The following LRBA variants were observed in gnomAD, a reference collection of about 807,000 sequenced individuals.
The protein encoded by LRBA is LPS responsive beige-like anchor protein, also known as lipopolysaccharide-responsive and beige-like anchor protein.
Under a neutral mutation model 330.0 loss-of-function variants are expected in LRBA, and 176 were observed. That is an observed-to-expected ratio of 0.53 (90% CI 0.47 to 0.60). LRBA has a LOEUF of 0.60. Among genes scored for constraint, LRBA ranks in the 20% least tolerant of loss-of-function variants. The pLI, the probability that LRBA is intolerant of heterozygous loss-of-function variation, is 0.00. For missense variants in LRBA, 3,259 were observed against 3,444.8 expected (o/e 0.95, Z 1.35); for synonymous variants, 1,230 against 1,193.0 (o/e 1.03, Z -0.64).
intron 33 of LRBA, among the ~76,000 whole-genome samples, chr4:150,803,189 G>A (rs1316949016): frequency 6.7e-6 from 1 of 150,238 alleles, no homozygotes; most frequent in Non-Finnish European, 1.5e-5. Context: ...GGTATTAGAC[G>A]ACATTAAGAA....
chr4:150,905,835 T>G lies in LRBA; in HGVS notation c.1755+3A>C. On this transcript the variant is annotated splice_donor_region_variant and intron_variant, in intron 13 of 56. Transcript: ENST00000651943. ...ACAATATCAATATATAGATATATAT[T>G]ACCTTGGCTGGGGTATGAATCCATA... 1.2e-6 allele frequency: 2 copies of G among 1,610,524 alleles called. No individual in the cohort carries two copies. The highest frequency in any genetic ancestry group is 1.7e-6 in the Non-Finnish European group (2 of 1,177,536).
chr4:150,491,851 A>T (rs2152105661), intron 40 of LRBA, among the ~76,000 whole-genome samples: 1 of 152,240 alleles, frequency 6.6e-6, no homozygotes, highest in South Asian at 2.1e-4. Context: ...GGAAAACCAG[A>T]CTCAGCATTT....
intron 53 of LRBA, among the ~76,000 whole-genome samples, chr4:150,298,246 CA>C (rs1256385372): frequency 1.3e-5 from 2 of 151,974 alleles, no homozygotes; most frequent in African/African-American, 4.8e-5. Context: ...CACATGTGCA[CA>C]GAGGCAGCCA....
chr4:150,778,890 TAG>T (rs1467124748), intron 34 of LRBA, among the ~76,000 whole-genome samples: 7 of 152,222 alleles, frequency 4.6e-5, no homozygotes, highest in African/African-American at 1.7e-4. Flanking sequence ...GAGTGTTCAT[TAG>T]AGACTTCTGG....
At chr4:150,900,319 A>C in intron 13 of LRBA, 102 bp from the exon 14 acceptor site, 2 of 751,220 alleles carry the variant, frequency 2.7e-6, no homozygotes, top group Non-Finnish European at 4.3e-6. Flanking sequence ...TCTTCCAAAA[A>C]GTAAGATGCT....
intron 8 of LRBA, among the ~76,000 whole-genome samples, 161 bp downstream of exon 8, chr4:150,915,447 G>T (rs1732481088): frequency 6.6e-6 from 1 of 152,020 alleles, no homozygotes; most frequent in Non-Finnish European, 1.5e-5. Context: ...ATATTTCAGT[G>T]ACATATTAAG....
At chr4:150,957,579 T>C (rs1422777416) in intron 2 of LRBA, among the ~76,000 whole-genome samples, 2 of 148,284 alleles carry the variant, frequency 1.3e-5, no homozygotes, top group Non-Finnish European at 2.9e-5. Flanking sequence ...TCAAAACCAA[T>C]CATGCCTTCC....
At chr4:150,990,085 G>GA (rs949739228) in intron 2 of LRBA, among the ~76,000 whole-genome samples, 1 of 150,522 alleles carries the variant, frequency 6.6e-6, no homozygotes, top group African/African-American at 2.4e-5. Flanking sequence ...CAAAATGAAA[G>GA]AAAAAATAGA....
At chr4:150,306,238 C>T (rs930157550) in intron 52 of LRBA, among the ~76,000 whole-genome samples, 4 of 152,024 alleles carry the variant, frequency 2.6e-5, no homozygotes, top group Admixed American at 2.0e-4. Flanking sequence ...TGTTACAATC[C>T]ATGTTTCTCC....
intron 13 of LRBA, among the ~76,000 whole-genome samples, chr4:150,903,983 A>AG (rs1731040178): frequency 6.6e-6 from 1 of 152,208 alleles, no homozygotes; most frequent in East Asian, 1.9e-4. Flanking sequence ...TTTGTTGAGT[A>AG]AATGAAGGAC....
intron 34 of LRBA, among the ~76,000 whole-genome samples, chr4:150,785,878 C>T (rs751322442): frequency 1.3e-5 from 2 of 152,126 alleles, no homozygotes; most frequent in Non-Finnish European, 2.9e-5. Context: ...ACAAGTAACA[C>T]GACATCAGTG....
At chr4:150,897,631 G>A (rs72719677) in intron 15 of LRBA, 108 bp downstream of exon 15, 3 of 758,546 alleles carry the variant, frequency 4.0e-6, no homozygotes, top group East Asian at 2.6e-5. Context: ...ATTTTCCAAT[G>A]TGTAACCACA....
intron 44 of LRBA, among the ~76,000 whole-genome samples, chr4:150,461,704 G>A (rs1161001213): frequency 1.3e-5 from 2 of 151,776 alleles, no homozygotes; most frequent in Non-Finnish European, 3.0e-5. Flanking sequence ...GAATTTCATA[G>A]CCAAGATAAT....
intron 53 of LRBA, among the ~76,000 whole-genome samples, chr4:150,298,499 C>T (rs949773125): frequency 2.1e-4 from 32 of 151,846 alleles, no homozygotes; most frequent in African/African-American, 7.3e-4. Flanking sequence ...GATTGATGAG[C>T]GTATAACAAA....
chr4:150,278,022 A>G lies in LRBA; in HGVS notation c.8317-18T>C. 1.2e-6 allele frequency: 2 copies of G among 1,611,212 alleles called. No homozygotes were observed. Among genetic ancestry groups the G allele is most frequent in the Non-Finnish European group, 1.7e-6 (2 of 1,178,256 alleles). ...TGGATGGCCTGTGAGACACAGCAAC[A>G]TTCAGTAGAAATGTGGTTCTAGGAA... On this transcript the variant is annotated intron_variant, in intron 55 of 56. Coordinates refer to ENST00000651943, the MANE Select transcript of LRBA (RefSeq NM_001364905.1).
intron 31 of LRBA, among the ~76,000 whole-genome samples, chr4:150,809,329 C>T (rs537567770): frequency 6.6e-6 from 1 of 152,250 alleles, no homozygotes; most frequent in African/African-American, 2.4e-5. Flanking sequence ...TTTCTAAATA[C>T]TATACTCCAC....
chr4:150,855,844 A>G (rs928743873), intron 22 of LRBA, among the ~76,000 whole-genome samples: 1 of 152,206 alleles, frequency 6.6e-6, no homozygotes, highest in African/African-American at 2.4e-5. Context: ...AGCCAATTGT[A>G]TTTTAAAGAG....
intron 36 of LRBA, among the ~76,000 whole-genome samples, chr4:150,712,921 C>T (rs1433343810): frequency 6.6e-6 from 1 of 151,874 alleles, no homozygotes; most frequent in Non-Finnish European, 1.5e-5. Context: ...ACAAAGAAAA[C>T]CAGTTTTTTG....
At chr4:150,437,227 A>G (rs1028531944) in intron 44 of LRBA, among the ~76,000 whole-genome samples, 7 of 152,052 alleles carry the variant, frequency 4.6e-5, no homozygotes, top group Non-Finnish European at 8.8e-5. Flanking sequence ...AATTAGAAGC[A>G]ACAACCAGAA....
Sources: gnomAD v4.1 joint callset for allele counts (sites outside exome capture counted in the v4.1 genomes callset) on GRCh38, gnomAD v4.1.1 for gene constraint, MANE v1.5 for transcripts, NCBI Gene and HGNC (gene_info 2026-07-23, HGNC 2026-07-21) for gene names.